TTC6: variants seen among roughly 807,000 people sequenced by gnomAD.
The protein encoded by TTC6 is tetratricopeptide repeat domain 6, also known as tetratricopeptide repeat protein 6.
Under a neutral mutation model 210.4 loss-of-function variants are expected in TTC6, and 172 were observed. The ratio of observed to expected loss-of-function variants is 0.82; its 90% CI spans 0.72 to 0.93. The LOEUF is 0.93. TTC6 is among the 40% of genes least tolerant of loss of function. The pLI is 0.00. For synonymous variants in TTC6, 804 were observed against 819.6 expected (o/e 0.98, Z 0.32); for missense variants, 2,414 against 2,318.1 (o/e 1.04, Z -0.85).
Position 37,839,380 on chromosome 14 carries a change from G to A in TTC6, c.5299-2065G>A, listed in dbSNP as rs191949378. On this transcript the variant is annotated intron_variant, in intron 29 of 30. Coordinates refer to ENST00000553443, the Ensembl canonical transcript of TTC6. ...GTATCTCATTGTGGTTTTGATTTGC[G>A]TTTCTCTAAAGACCAGTGATGATGA... Among the ~76,000 whole-genome samples, 45 of 152,166 alleles carry A rather than the reference G, an allele frequency of 3.0e-4. 1 individual carries two copies. Among genetic ancestry groups the A allele is most frequent in the Admixed American group, 2.1e-3 (32 of 15,282 alleles).
intron 9 of TTC6, among the ~76,000 whole-genome samples, chr14:37,738,060 T>C (rs1420709536): frequency 2.0e-5 from 3 of 151,842 alleles, no homozygotes; most frequent in Admixed American, 1.3e-4. Context: ...ATTTAACTTA[T>C]TGACGATGGC....
intron 2 of TTC6, 150 bp downstream of exon 4, chr14:37,680,411 C>G: frequency 1.8e-6 from 1 of 558,454 alleles, no homozygotes; most frequent in Non-Finnish European, 3.1e-6. Flanking sequence ...CGATACCACA[C>G]TGGGAGTCTT....
intron 30 of TTC6, 50 bp from the exon 33 acceptor site, chr14:37,842,105 T>C: frequency 7.0e-7 from 1 of 1,426,038 alleles, no homozygotes; most frequent in Non-Finnish European, 9.2e-7. Flanking sequence ...AAAAAGAGAC[T>C]ATTTTTTGAG....
chr14:37,785,825 T>A (rs1359982528), intron 14 of TTC6, among the ~76,000 whole-genome samples: 1 of 152,180 alleles, frequency 6.6e-6, no homozygotes, highest in Non-Finnish European at 1.5e-5. Flanking sequence ...CCTTTCTGTT[T>A]GTTAGTTTTC....
chr14:37,837,924 A>G (rs1311169599), intron 29 of TTC6, among the ~76,000 whole-genome samples: 1 of 152,168 alleles, frequency 6.6e-6, no homozygotes, highest in Non-Finnish European at 1.5e-5. Flanking sequence ...AAGGAAGGAG[A>G]GACCAAATGT....
chr14:37,732,257 A>G (rs2095888744), intron 7 of TTC6, among the ~76,000 whole-genome samples: 1 of 128,956 alleles, frequency 7.8e-6, no homozygotes, highest in Admixed American at 1.0e-4. Flanking sequence ...ATCTAGGCTC[A>G]CTGCAAGCTC....
intron 3 of TTC6, among the ~76,000 whole-genome samples, chr14:37,691,910 C>A (rs2095804236): frequency 6.6e-6 from 1 of 151,732 alleles, no homozygotes; most frequent in African/African-American, 2.4e-5. Flanking sequence ...AACTATATGC[C>A]AATAAATTGG....
intron 20 of TTC6, among the ~76,000 whole-genome samples, chr14:37,800,762 T>C (rs927495): frequency 0.73 from 110,603 of 152,034 alleles, 42,293 homozygotes; most frequent in Middle Eastern, 0.86. Flanking sequence ...TGAATCCCTG[T>C]GAAATCCATG....
chr14:37,599,101 G>A (rs184079225), intron 1 of TTC6, among the ~76,000 whole-genome samples: 1 of 152,212 alleles, frequency 6.6e-6, no homozygotes. Context: ...GGGGTCACAC[G>A]TGCGTGTGCC....
At chr14:37,814,739 C>G (rs2096137580) in intron 25 of TTC6, among the ~76,000 whole-genome samples, 1 of 152,006 alleles carries the variant, frequency 6.6e-6, no homozygotes, top group Admixed American at 6.6e-5. Context: ...CAATTTTTCT[C>G]TATGTGAAGT....
intron 1 of TTC6, among the ~76,000 whole-genome samples, chr14:37,635,451 T>C (rs1161408889): frequency 6.6e-6 from 1 of 152,152 alleles, no homozygotes; most frequent in Non-Finnish European, 1.5e-5. Context: ...ACTTAAATCC[T>C]AAGATATCAG....
chr14:37,701,235 G>T, intron 4 of TTC6, 97 bp from the exon 7 acceptor site: 1 of 805,448 alleles, frequency 1.2e-6, no homozygotes, highest in South Asian at 3.6e-5. Context: ...ATTTATGTAT[G>T]TCTTTAGAAC....
At chr14:37,789,403 A>G (rs2096074379) in intron 15 of TTC6, among the ~76,000 whole-genome samples, 1 of 151,800 alleles carries the variant, frequency 6.6e-6, no homozygotes, top group Admixed American at 6.6e-5. Flanking sequence ...TTGCTAGCCA[A>G]TCATACTGTG....
chr14:37,683,974 TTCCTCTACTTCTGGGTCTCCCC>T (rs1419876007), intron 3 of TTC6, among the ~76,000 whole-genome samples: 2 of 152,202 alleles, frequency 1.3e-5, no homozygotes, highest in Non-Finnish European at 2.9e-5. Context: ...CTCTGGGTAA[TTCCTCTACTTCTGGGTCTCCCC>T]TCCCCACCAA....
At chr14:37,696,185 A>T (rs1446823215) in intron 3 of TTC6, among the ~76,000 whole-genome samples, 2 of 152,150 alleles carry the variant, frequency 1.3e-5, no homozygotes, top group Non-Finnish European at 2.9e-5. Flanking sequence ...TTATTCAACC[A>T]TAGCTTTTCC....
chr14:37,795,307 G>C (rs1271537961), exon 18 of TTC6: 2 of 1,532,190 alleles, frequency 1.3e-6, no homozygotes, highest in Non-Finnish European at 8.7e-7. Context: ...GAATTGTCTC[G>C]TGCTATCCAC....
chr14:37,736,173 G>A (rs948463978), intron 8 of TTC6, among the ~76,000 whole-genome samples, 163 bp downstream of exon 10: 7 of 151,924 alleles, frequency 4.6e-5, no homozygotes, highest in Non-Finnish European at 1.0e-4. Context: ...ATCACTTGAG[G>A]CCAGGAGTTA....
chr14:37,735,836 A>G, intron 7 of TTC6, 85 bp from the exon 10 acceptor site: 2 of 733,006 alleles, frequency 2.7e-6, no homozygotes, highest in Admixed American at 3.0e-5. Flanking sequence ...TTTGTTAATA[A>G]TGTTGTACTA....
chr14:37,635,931 A>G (rs577085957), intron 1 of TTC6, among the ~76,000 whole-genome samples: 4 of 143,560 alleles, frequency 2.8e-5, no homozygotes, highest in Non-Finnish European at 6.1e-5. Context: ...GTGAGCCAAG[A>G]TTGCGCCATT....
Sources: gnomAD v4.1 joint callset for allele counts (sites outside exome capture counted in the v4.1 genomes callset) on GRCh38, gnomAD v4.1.1 for gene constraint, MANE v1.5 for transcripts, NCBI Gene and HGNC (gene_info 2026-07-23, HGNC 2026-07-21) for gene names.